Variants in TMEM117 observed in about 807,000 individuals in gnomAD.
TMEM117 encodes transmembrane protein 117.
In TMEM117, 27 loss-of-function variants were observed where a neutral mutation model predicts 52.4. The ratio of observed to expected loss-of-function variants is 0.51; its 90% confidence interval spans 0.38 to 0.71. The LOEUF (loss-of-function observed/expected upper bound fraction) is 0.71, where lower values mean the gene tolerates loss of function less well. Ranked by LOEUF, TMEM117 falls within the 30% of genes least tolerant of loss-of-function variation. The pLI, the probability that TMEM117 is intolerant of heterozygous loss-of-function variation, is 0.00. For missense variants in TMEM117, 556 were observed against 630.5 expected, an observed-to-expected ratio of 0.88 and a Z score of 1.26; for synonymous variants, 215 against 206.3, an observed-to-expected ratio of 1.04 and a Z score of -0.36.
chr12:43,976,463 A>C (rs1376000703), intron 3 of TMEM117, among the ~76,000 whole-genome samples: 1 of 152,198 alleles, frequency 6.6e-6, no homozygotes, highest in Non-Finnish European at 1.5e-5. Flanking sequence ...GGCTTGGAGC[A>C]AACACAATTT....
chr12:44,188,920 AAATT>A (rs1483815919), intron 4 of TMEM117, among the ~76,000 whole-genome samples: 2 of 152,180 alleles, frequency 1.3e-5, no homozygotes, highest in African/African-American at 4.8e-5. Flanking sequence ...AGCATGTAAC[AAATT>A]AATTTTTTAT....
chr12:43,952,138 A>G (rs1253815649), intron 3 of TMEM117, among the ~76,000 whole-genome samples: 1 of 152,210 alleles, frequency 6.6e-6, no homozygotes, highest in African/African-American at 2.4e-5. Context: ...TCCAAAGGTC[A>G]TCAGCCTCAA....
chr12:44,275,865 G>T lies in TMEM117; in HGVS notation c.609-23715G>T, dbSNP rs555177764. Among the ~76,000 whole-genome samples the T allele has an allele frequency of 3.2e-4, 49 of 152,088 alleles. No homozygotes were observed. The South Asian group carries it at 5.4e-3, about 17-fold the overall frequency. The stretch of plus-strand genomic sequence containing the variant: ...TACAATAGAGATAGTGAGGAAGAAT[G>T]AATAAGACCTACTATTTTATAGCAC... On this transcript the variant is annotated intron_variant, in intron 5 of 7. Coordinates refer to ENST00000266534, the MANE Select transcript of TMEM117 (RefSeq NM_032256.3).
chr12:43,961,358 T>C (rs1825451582), intron 3 of TMEM117, among the ~76,000 whole-genome samples: 1 of 151,816 alleles, frequency 6.6e-6, no homozygotes. Context: ...GCAATTGTAA[T>C]AGTTATTATT....
chr12:44,284,383 T>C (rs1159732707), intron 5 of TMEM117, among the ~76,000 whole-genome samples: 3 of 152,342 alleles, frequency 2.0e-5, no homozygotes, highest in East Asian at 3.9e-4. Flanking sequence ...CACGTGGAAC[T>C]GTAAATCCAA....
intron 3 of TMEM117, among the ~76,000 whole-genome samples, chr12:43,988,288 G>C (rs547051718): frequency 1.3e-5 from 2 of 152,096 alleles, no homozygotes; most frequent in African/African-American, 2.4e-5. Flanking sequence ...AGTAAAATGA[G>C]ATCTACATGT....
intron 3 of TMEM117, among the ~76,000 whole-genome samples, chr12:44,125,386 C>T (rs549272488): frequency 5.6e-4 from 86 of 152,274 alleles, no homozygotes; most frequent in Non-Finnish European, 1.0e-3. Flanking sequence ...AGATTACAGG[C>T]GTGAGCCACT....
chr12:43,840,434 G>A (rs1045863365), intron 1 of TMEM117, among the ~76,000 whole-genome samples: 1 of 152,176 alleles, frequency 6.6e-6, no homozygotes, highest in African/African-American at 2.4e-5. Context: ...AAATGAGAGG[G>A]AGTTGAGGGG....
At chr12:43,954,641 T>G (rs1243493269) in intron 3 of TMEM117, among the ~76,000 whole-genome samples, 1 of 151,986 alleles carries the variant, frequency 6.6e-6, no homozygotes, top group Non-Finnish European at 1.5e-5. Flanking sequence ...GTTCTGAAAT[T>G]GAGGGAGTAA....
chr12:43,891,367 ATTTTTTTTTTT>A lies in TMEM117; in HGVS notation c.277+46452_277+46462del, dbSNP rs772754829. 5.2e-5 allele frequency among the ~76,000 whole-genome samples: 3 copies of A among 57,796 alleles called. No individual in the cohort carries two copies. In the South Asian group the frequency reaches 2.8e-3, roughly 54 times the overall value. The allele number at this position is 57,796 out of a possible 152,430, so 37.9% of individuals were successfully genotyped here. ...ATTTCTTTTGGGAAATACCTCTTGAATTTTTTTTTTTTTTTTTTTTTTTGAGATGGAGTCTC... is the reference window on the plus strand; with the variant it reads ...ATTTCTTTTGGGAAATACCTCTTGAATTTTTTTTTTTTGAGATGGAGTCTC... On this transcript the variant is annotated intron_variant, in intron 2 of 7. Coordinates refer to ENST00000266534, the MANE Select transcript of TMEM117 (RefSeq NM_032256.3).
At chr12:44,201,900 A>C (rs1285455647) in intron 4 of TMEM117, among the ~76,000 whole-genome samples, 1 of 152,144 alleles carries the variant, frequency 6.6e-6, no homozygotes, top group Non-Finnish European at 1.5e-5. Flanking sequence ...AGTGTAAGAA[A>C]GTAAAATATT....
intron 5 of TMEM117, chr12:44,264,054 T>C (rs1012386651): frequency 6.6e-6 from 1 of 152,246 alleles, no homozygotes; most frequent in African/African-American, 2.4e-5. Flanking sequence ...CTAAAGACTT[T>C]AGAGTTCTCA....
At chr12:43,947,366 C>A (rs1364457376) in intron 3 of TMEM117, among the ~76,000 whole-genome samples, 1 of 152,076 alleles carries the variant, frequency 6.6e-6, no homozygotes, top group African/African-American at 2.4e-5. Flanking sequence ...AAAATTAAAT[C>A]ACCATTTATA....
intron 4 of TMEM117, among the ~76,000 whole-genome samples, chr12:44,156,407 G>T (rs1479035859): frequency 2.0e-5 from 3 of 151,994 alleles, no homozygotes; most frequent in Non-Finnish European, 4.4e-5. Context: ...GCTCTAATCA[G>T]TTTTTACCTG....
At chr12:43,917,195 C>G (rs571179814) in intron 2 of TMEM117, among the ~76,000 whole-genome samples, 6 of 140,890 alleles carry the variant, frequency 4.3e-5, no homozygotes, top group African/African-American at 7.9e-5. Context: ...GAGTTTAAGA[C>G]CAGCCTGGGC....
intron 3 of TMEM117, among the ~76,000 whole-genome samples, chr12:44,096,798 G>C (rs1443878720): frequency 1.3e-5 from 2 of 152,054 alleles, no homozygotes; most frequent in African/African-American, 4.8e-5. Context: ...CAGGACATAG[G>C]CATGGGCAAG....
At chr12:44,161,694 C>T (rs1312382476) in intron 4 of TMEM117, among the ~76,000 whole-genome samples, 1 of 152,132 alleles carries the variant, frequency 6.6e-6, no homozygotes, top group East Asian at 1.9e-4. Context: ...TTAGGAAGGA[C>T]TTATCACATG....
At chr12:44,140,114 G>A (rs1565845132) in intron 3 of TMEM117, among the ~76,000 whole-genome samples, 1 of 151,982 alleles carries the variant, frequency 6.6e-6, no homozygotes, top group African/African-American at 2.4e-5. Context: ...CATCTGCATT[G>A]TTATAGCATC....
At chr12:43,914,458 C>T (rs778179307) in intron 2 of TMEM117, among the ~76,000 whole-genome samples, 10 of 152,232 alleles carry the variant, frequency 6.6e-5, no homozygotes, top group Non-Finnish European at 1.2e-4. Context: ...CACAAATATT[C>T]GTGGTGCCCC....
Sources: allele counts gnomAD v4.1 joint callset (sites outside exome capture counted in the v4.1 genomes callset), GRCh38; gene constraint gnomAD v4.1.1; transcripts MANE v1.5; gene names NCBI Gene and HGNC (gene_info 2026-07-23, HGNC 2026-07-21).